The following SLC9A3 variants were observed in gnomAD, a reference collection of about 807,000 sequenced individuals.
SLC9A3 encodes solute carrier family 9 member A3, also known as sodium/hydrogen exchanger 3.
A neutral mutation model predicts 86.8 loss-of-function variants in SLC9A3; 37 were observed. The observed-to-expected ratio is 0.43, with a 90% CI of 0.33 to 0.56. The LOEUF (loss-of-function observed/expected upper bound fraction) is 0.56. Among genes scored for constraint, SLC9A3 ranks in the 20% least tolerant of loss-of-function variants. The pLI is 0.06. For missense variants in SLC9A3, 1,011 were observed against 1,171.9 expected (o/e 0.86, Z 2.00); for synonymous variants, 581 against 528.3 (o/e 1.10, Z -1.37).
At chr5:481,700 C>CA in intron 8 of SLC9A3, 65 bp from the exon 9 acceptor site, 1 of 1,353,580 alleles carries the variant, frequency 7.4e-7, no homozygotes, top group Non-Finnish European at 1.1e-6. Context: ...GGTGCCCCTC[C>CA]ACTCCTGGCC....
chr5:491,418 G>A lies in SLC9A3; in HGVS notation c.514+351C>T, dbSNP rs935364504. Reference sequence around the variant, plus strand: ...GGAGGGACGGTGCCCGATACACCAGGCTCTGCAGTCCTCCTCCTCTCCCTG... The same window carrying A: ...GGAGGGACGGTGCCCGATACACCAGACTCTGCAGTCCTCCTCCTCTCCCTG... On this transcript the variant is annotated intron_variant, in intron 2 of 16. Coordinates refer to ENST00000264938, the MANE Select transcript of SLC9A3 (RefSeq NM_004174.4). The surrounding 1 kb of genome is among the most constrained non-coding windows in gnomAD (Gnocchi z 9.2). Among the ~76,000 whole-genome samples, 3 of 152,170 alleles carry A rather than the reference G, an allele frequency of 2.0e-5. No homozygotes were observed. The highest frequency in any genetic ancestry group is 4.8e-5 in the African/African-American group (2 of 41,420).
Position 492,034 on chromosome 5 carries a change from G to A in SLC9A3, c.249C>T (p.Pro83=), listed in dbSNP as rs755236573. The A allele has an allele frequency of 3.8e-5, 59 of 1,563,582 alleles. No individual in the cohort carries two copies. In the Admixed American group the frequency reaches 6.3e-4, roughly 17 times the overall value. The change falls in exon 2 of 17, where the codon CCC becomes CCT. Residue 83 remains proline, a synonymous_variant. Transcript: ENST00000264938. ...HLSHKVTSVV[P]ESALLIVLGL... Reference sequence around the variant, plus strand: ...CCAGCACGATGAGCAGGGCGCTCTCGGGAACCACGCTGGTGACCTTGTGGG... The same window carrying A: ...CCAGCACGATGAGCAGGGCGCTCTCAGGAACCACGCTGGTGACCTTGTGGG...
intron 7 of SLC9A3, 50 bp downstream of exon 7, chr5:482,498 C>T (rs1447709407): frequency 5.4e-6 from 8 of 1,472,284 alleles, no homozygotes; most frequent in East Asian, 2.3e-5. Context: ...GGCCCAGGCT[C>T]CCCTCGCGGG....
intron 1 of SLC9A3, among the ~76,000 whole-genome samples, chr5:494,418 T>C (rs555473852): frequency 6.6e-6 from 1 of 152,164 alleles, no homozygotes; most frequent in African/African-American, 2.4e-5. Flanking sequence ...CAGGGCAGCC[T>C]GGGACCCCCT....
intron 1 of SLC9A3, among the ~76,000 whole-genome samples, chr5:512,102 G>A (rs757834911): frequency 6.6e-6 from 1 of 152,208 alleles, no homozygotes; most frequent in East Asian, 1.9e-4. Flanking sequence ...CCACGGGTTA[G>A]GGGGAGAGAG....
At position 496,101 on chromosome 5, in the gene SLC9A3, T is replaced by G. The variant is rs1740001041; in HGVS notation, c.212-4030A>C. Among the ~76,000 whole-genome samples the G allele has an allele frequency of 6.6e-6, 1 of 152,232 alleles. No individual in the cohort carries two copies. On this transcript the variant is annotated intron_variant, in intron 1 of 16. Coordinates refer to ENST00000264938, the MANE Select transcript of SLC9A3 (RefSeq NM_004174.4). This position sits in a 1 kb window ranked among gnomAD's most constrained non-coding sequence, Gnocchi z 4.7. ...AATCCACAGAAAACATCCTCTGACC[T>G]TGGTAGTTACTGAGAAAATATACAT...
chr5:500,918 G>C (rs1740250536), intron 1 of SLC9A3, among the ~76,000 whole-genome samples: 1 of 151,876 alleles, frequency 6.6e-6, no homozygotes, highest in Admixed American at 6.6e-5. Context: ...AGGCTGGTGT[G>C]GACACGGGCC....
At chr5:504,258 G>T (rs1740440995) in intron 1 of SLC9A3, among the ~76,000 whole-genome samples, 1 of 152,140 alleles carries the variant, frequency 6.6e-6, no homozygotes, top group Non-Finnish European at 1.5e-5. Flanking sequence ...GAACCCAAGG[G>T]GCACACGTCT....
intron 1 of SLC9A3, among the ~76,000 whole-genome samples, chr5:508,636 G>C (rs1036631561): frequency 6.0e-5 from 9 of 150,350 alleles, no homozygotes; most frequent in Admixed American, 4.6e-4. Context: ...TGGAGATGCC[G>C]CGGGGAGACA....
chr5:511,397 A>G (rs1487315147), intron 1 of SLC9A3, among the ~76,000 whole-genome samples: 1 of 152,256 alleles, frequency 6.6e-6, no homozygotes, highest in African/African-American at 2.4e-5. Flanking sequence ...CAAAACACAT[A>G]TCTCCTAAAG....
chr5:475,478 C>A, intron 15 of SLC9A3, 83 bp downstream of exon 15: 4 of 826,328 alleles, frequency 4.8e-6, no homozygotes, highest in Non-Finnish European at 8.0e-6. Context: ...GGTCCCAGTG[C>A]CCCTGGTCCA....
At chr5:488,497 C>CG in intron 2 of SLC9A3, 21 bp from the exon 3 acceptor site, 1 of 1,525,098 alleles carries the variant, frequency 6.6e-7, no homozygotes, top group Non-Finnish European at 8.8e-7. Context: ...AGCCGGGCCG[C>CG]GGGGCAGCTG....
chr5:477,165 G>T, intron 11 of SLC9A3, 167 bp downstream of exon 11: 1 of 578,536 alleles, frequency 1.7e-6, no homozygotes. Flanking sequence ...TCTGGCCACG[G>T]CCTAATATAG....
At chr5:476,441 G>T (rs565797303) in intron 12 of SLC9A3, 63 bp from the exon 13 acceptor site, 14 of 1,605,860 alleles carry the variant, frequency 8.7e-6, no homozygotes, top group Non-Finnish European at 1.1e-5. Flanking sequence ...CCCTCCTGCC[G>T]CAGGAGCTGA....
At chr5:486,400 C>T (rs1416430998) in intron 3 of SLC9A3, among the ~76,000 whole-genome samples, 1 of 152,210 alleles carries the variant, frequency 6.6e-6, no homozygotes, top group Non-Finnish European at 1.5e-5. Context: ...ATGGGATTGG[C>T]TTTGAAACGT....
intron 14 of SLC9A3, 77 bp downstream of exon 14, chr5:475,943 G>A: frequency 7.8e-7 from 1 of 1,283,788 alleles, no homozygotes; most frequent in East Asian, 2.5e-5. Context: ...TGAGAGGGGA[G>A]GTTCCCGAGC....
At position 483,174 on chromosome 5, in the gene SLC9A3, T is replaced by C. The variant is rs532508125; in HGVS notation, c.1153+88A>G. 3.3e-5 allele frequency: 34 copies of C among 1,035,366 alleles called. No individual in the cohort carries two copies. In the Admixed American group the frequency reaches 3.5e-4, roughly 11 times the overall value. The allele number at this position is 1,035,366 out of a possible 1,614,324, so 64.1% of individuals were successfully genotyped here. A position where few individuals can be genotyped will look rare whatever the true frequency, so the allele number is the denominator to read the frequency against. ...CCTTGCACGGGGCTGCACCTCCATCTCCCTGGGCCCAGTAGAAAGCCTGCG... is the reference window on the plus strand; with the variant it reads ...CCTTGCACGGGGCTGCACCTCCATCCCCCTGGGCCCAGTAGAAAGCCTGCG... On this transcript the variant is annotated intron_variant, in intron 6 of 16. Transcript: ENST00000264938.
At chr5:500,897 CGGTGTGGACGAGGCT>C (rs901929369) in intron 1 of SLC9A3, among the ~76,000 whole-genome samples, 5 of 148,598 alleles carry the variant, frequency 3.4e-5, no homozygotes, top group African/African-American at 1.2e-4. Context: ...GACATGGGGT[CGGTGTGGACGAGGCT>C]GGTGTGGACA....
intron 1 of SLC9A3, among the ~76,000 whole-genome samples, chr5:506,196 C>T (rs905938736): frequency 6.6e-6 from 1 of 152,150 alleles, no homozygotes; most frequent in Non-Finnish European, 1.5e-5. Context: ...AGGACTTTGT[C>T]ACGAGCTTTG....
Sources: gnomAD v4.1 joint callset for allele counts (sites outside exome capture counted in the v4.1 genomes callset) on GRCh38, gnomAD v4.1.1 for gene constraint, Gnocchi (gnomAD v3.1) non-coding constraint, MANE v1.5 for transcripts, NCBI Gene and HGNC (gene_info 2026-07-23, HGNC 2026-07-21) for gene names.